Variants in FBXO11 observed in about 807,000 individuals in gnomAD.
FBXO11 encodes the protein F-box protein 11.
FBXO11 carries 13 observed loss-of-function variants against 117.0 expected under a neutral mutation model. The ratio of observed to expected loss-of-function variants is 0.11; its 90% CI spans 0.07 to 0.18. FBXO11 has a LOEUF of 0.18. Ranked by LOEUF, FBXO11 falls within the 10% of genes least tolerant of loss-of-function variation. FBXO11 has a pLI of 1.00. For synonymous variants in FBXO11, 490 were observed against 380.5 expected (o/e 1.29, Z -3.35); for missense variants, 767 against 1,164.4 (o/e 0.66, Z 4.97).
chr2:47,901,774 T>G (rs971542095), intron 1 of FBXO11, among the ~76,000 whole-genome samples: 4 of 152,090 alleles, frequency 2.6e-5, no homozygotes, highest in African/African-American at 7.2e-5. Flanking sequence ...CTAAAAAAAT[T>G]ACAAAATACA....
At position 47,818,837 on chromosome 2, in the gene FBXO11, G is replaced by A; in HGVS notation, c.1948C>T (p.His650Tyr). Residue 650 changes from histidine (H) to tyrosine (Y), a missense_variant, in exon 16 of 23, where the codon CAT becomes TAT. This residue lies in a region of FBXO11 where 42 missense variants were observed against 216.8 expected (regional missense o/e 0.19). Transcript: ENST00000403359. ...QVGVYFYDNG[H>Y]GVLEDNDIYN... is the part of the protein sequence containing the mutation. ...ATATCATTGTCTTCTAGCACTCCAT[G>A]TCCATTGTCATAAAAATAAACACCA... 6.3e-7 allele frequency: 1 copy of A among 1,579,570 alleles called. No homozygotes were observed. Among genetic ancestry groups the A allele is most frequent in the Non-Finnish European group, 8.6e-7 (1 of 1,166,550 alleles).
chr2:47,826,190 C>G (rs181294720), intron 11 of FBXO11, among the ~76,000 whole-genome samples: 152 of 152,042 alleles, frequency 1.0e-3, no homozygotes, highest in African/African-American at 3.4e-3. Context: ...TCCCGAGTAG[C>G]TGGGACTACA....
intron 1 of FBXO11, among the ~76,000 whole-genome samples, chr2:47,842,301 AC>A (rs1302078620): frequency 6.6e-6 from 1 of 152,246 alleles, no homozygotes; most frequent in African/African-American, 2.4e-5. Context: ...GGCGTGAGCC[AC>A]CGGCGCCCGG....
rs185763578 is a variant in FBXO11 at position 47,826,236 on chromosome 2, T to G, written c.1399-2876A>C. On this transcript the variant is annotated intron_variant, in intron 11 of 22. Coordinates refer to ENST00000403359, the MANE Select transcript of FBXO11 (RefSeq NM_001190274.2). Reference sequence around the variant, plus strand: ...CCATGCCCAGCTAATTTTTTGTATTTTTAGTAGAGACAGGGTTTCACCATG... The same window carrying G: ...CCATGCCCAGCTAATTTTTTGTATTGTTAGTAGAGACAGGGTTTCACCATG... Among the ~76,000 whole-genome samples, 360 of 152,102 alleles carry G rather than the reference T, an allele frequency of 2.4e-3. 2 individuals are homozygous for G. The highest frequency in any genetic ancestry group is 8.2e-3 in the African/African-American group (341 of 41,482).
chr2:47,901,074 CACACGTGTGTACATATATAT>C (rs1678229604), intron 1 of FBXO11, among the ~76,000 whole-genome samples: 1 of 129,554 alleles, frequency 7.7e-6, no homozygotes, highest in African/African-American at 2.8e-5. Context: ...TATATATATA[CACACGTGTGTACATATATAT>C]ACATATATAT....
In FBXO11 at chr2:47,807,221, A is replaced by C. The variant is rs1558397062; in HGVS notation, c.*897T>G. Reference sequence around the variant, plus strand: ...AGCAGTTTTGTCTAAACTGTTCAAAAAAAAACTATGAACAGAGTTCAAATA... The same window carrying C: ...AGCAGTTTTGTCTAAACTGTTCAAACAAAAACTATGAACAGAGTTCAAATA... On this transcript the variant is annotated 3_prime_UTR_variant, in exon 23 of 23. Transcript: ENST00000403359. 3 of 246,974 alleles carry C rather than the reference A, an allele frequency of 1.2e-5. No individual in the cohort carries two copies. The highest frequency in any genetic ancestry group is 2.4e-5 in the Non-Finnish European group (3 of 126,272). 15.3% of individuals were successfully genotyped at this position (246,974 alleles called of 1,614,324 possible).
At chr2:47,812,253 C>T (rs1038192454) in intron 18 of FBXO11, among the ~76,000 whole-genome samples, 7 of 152,162 alleles carry the variant, frequency 4.6e-5, no homozygotes, top group Non-Finnish European at 1.0e-4. Context: ...TTTCATTTAG[C>T]ATATCTCTAG....
chr2:47,807,082 T>C lies in FBXO11; in HGVS notation c.*1036A>G. On this transcript the variant is annotated 3_prime_UTR_variant, in exon 23 of 23. Transcript: ENST00000403359. ...ATGGTACATGCATACACTTTCAGGC[T>C]GTTTTATACCCACTGTCACCAATAC... 1.9e-6 allele frequency: 1 copy of C among 538,528 alleles called. No individual in the cohort carries two copies. The highest frequency in any genetic ancestry group is 2.3e-5 in the South Asian group (1 of 43,610). The allele number at this position is 538,528 out of a possible 1,614,324, so 33.4% of individuals were successfully genotyped here. A position where few individuals can be genotyped will look rare whatever the true frequency, so the allele number is the denominator to read the frequency against.
intron 1 of FBXO11, among the ~76,000 whole-genome samples, chr2:47,863,939 T>G (rs1674991127): frequency 6.9e-6 from 1 of 145,368 alleles, no homozygotes; most frequent in Non-Finnish European, 1.5e-5. Flanking sequence ...AGACTCTGTC[T>G]CAAAAAAAAA....
chr2:47,819,338 C>A (rs765579079), intron 14 of FBXO11, among the ~76,000 whole-genome samples: 2 of 152,176 alleles, frequency 1.3e-5, no homozygotes, highest in African/African-American at 2.4e-5. Context: ...GCCTCAGCTT[C>A]CCAAGTAGCT....
At chr2:47,831,191 T>C (rs940196523) in intron 11 of FBXO11, among the ~76,000 whole-genome samples, 2 of 151,192 alleles carry the variant, frequency 1.3e-5, no homozygotes, top group African/African-American at 4.9e-5. Flanking sequence ...CCGAGGCAGG[T>C]GAATCACTTG....
At position 47,905,587 on chromosome 2, in the gene FBXO11, G is replaced by T. The variant is rs1678738179; in HGVS notation, c.134C>A (p.Pro45His). The change falls in exon 1 of 23, where the codon CCT (proline) becomes CAT (histidine). Residue 45 changes from proline (P) to histidine (H), a missense_variant. Around this residue, in one of 10 missense-constraint regions of FBXO11, gnomAD observed 355 missense variants for 299.8 expected, o/e 1.18. Coordinates refer to ENST00000403359, the MANE Select transcript of FBXO11 (RefSeq NM_001190274.2). Reference sequence around the variant, plus strand: ...CTGCTGCTGCTGCGGCGGCGGCGGAGGCTGCTGCTGGGGCGGCTGCTGCTG... The same window carrying T: ...CTGCTGCTGCTGCGGCGGCGGCGGATGCTGCTGCTGGGGCGGCTGCTGCTG... ...PPQQQPPQQQ[P>H]PPPPQQQQQQ... 4.0e-6 allele frequency: 5 copies of T among 1,258,602 alleles called. No individual in the cohort carries two copies. The highest frequency in any genetic ancestry group is 5.0e-6 in the Non-Finnish European group (5 of 1,005,476). The allele number at this position is 1,258,602 out of a possible 1,614,324, so 78.0% of individuals were successfully genotyped here.
chr2:47,861,346 T>C (rs561193601), intron 1 of FBXO11, among the ~76,000 whole-genome samples: 2 of 146,956 alleles, frequency 1.4e-5, no homozygotes, highest in South Asian at 4.3e-4. Flanking sequence ...TGAGACAAGA[T>C]CTTGCTCTGT....
At position 47,816,001 on chromosome 2, in the gene FBXO11, T is replaced by C. The variant is rs1364021529; in HGVS notation, c.2007-2134A>G. On this transcript the variant is annotated intron_variant, in intron 16 of 22. Coordinates refer to ENST00000403359, the MANE Select transcript of FBXO11 (RefSeq NM_001190274.2). ...AGCACCCGATGTGTTCACGACTAGG[T>C]AGGGGGAACCTTCAGCCCTGAAAAC... 7.2e-5 allele frequency among the ~76,000 whole-genome samples: 11 copies of C among 152,190 alleles called. No individual in the cohort carries two copies. The East Asian group carries it at 1.2e-3, about 16-fold the overall frequency.
intron 1 of FBXO11, among the ~76,000 whole-genome samples, chr2:47,899,041 G>A (rs895682552): frequency 7.9e-5 from 12 of 151,966 alleles, no homozygotes; most frequent in Admixed American, 2.6e-4. Context: ...TTGGGAGGCC[G>A]AGGCGGGCGG....
intron 1 of FBXO11, among the ~76,000 whole-genome samples, chr2:47,856,929 T>C (rs1156982206): frequency 6.6e-6 from 1 of 152,244 alleles, no homozygotes; most frequent in East Asian, 1.9e-4. Flanking sequence ...GTATATGATT[T>C]AAAGCTATAC....
intron 1 of FBXO11, among the ~76,000 whole-genome samples, chr2:47,901,006 G>A (rs1486021976): frequency 1.5e-5 from 2 of 133,460 alleles, no homozygotes; most frequent in African/African-American, 2.7e-5. Flanking sequence ...CCGGTGGGGA[G>A]ATATATATAT....
rs923337591 is a variant in FBXO11 at position 47,825,116 on chromosome 2, G to A, written c.1399-1756C>T. 5.9e-5 allele frequency among the ~76,000 whole-genome samples: 9 copies of A among 152,232 alleles called. No individual in the cohort carries two copies. In the East Asian group the frequency reaches 1.7e-3, roughly 29 times the overall value. On this transcript the variant is annotated intron_variant, in intron 11 of 22. Coordinates refer to ENST00000403359, the MANE Select transcript of FBXO11 (RefSeq NM_001190274.2). Reference sequence around the variant, plus strand: ...ATTTTTTTTGCCAAATTTAGTAGAGGTTAAAAAGGGGATATTCTGAATACT... The same window carrying A: ...ATTTTTTTTGCCAAATTTAGTAGAGATTAAAAAGGGGATATTCTGAATACT...
chr2:47,880,860 G>A (rs1403967196), intron 1 of FBXO11, among the ~76,000 whole-genome samples: 2 of 152,158 alleles, frequency 1.3e-5, no homozygotes, highest in East Asian at 3.9e-4. Flanking sequence ...TGCCTTAGGT[G>A]TGTACCTTGT....
Sources: gnomAD v4.1 joint callset for allele counts (sites outside exome capture counted in the v4.1 genomes callset) on GRCh38, gnomAD v4.1.1 for gene constraint, gnomAD v4.1.1 regional missense constraint, MANE v1.5 for transcripts, NCBI Gene and HGNC (gene_info 2026-07-23, HGNC 2026-07-21) for gene names.